The following RAB38 variants were observed in gnomAD, a reference collection of about 807,000 sequenced individuals.
The protein encoded by RAB38 is ras-related protein Rab-38.
In RAB38, 15 loss-of-function variants were observed where a neutral mutation model predicts 18.4. The ratio of observed to expected loss-of-function variants is 0.82; its 90% CI spans 0.55 to 1.26. The LOEUF (loss-of-function observed/expected upper bound fraction) is 1.26. Among genes scored for constraint, RAB38 ranks in the 50% most tolerant of loss-of-function variants. The probability of loss-of-function intolerance (pLI) is 0.00; values close to 1 mark genes in which losing one functional copy is unlikely to be tolerated. For missense variants in RAB38, 294 were observed against 267.4 expected (o/e 1.10, Z -0.69); for synonymous variants, 101 against 104.4 (o/e 0.97, Z 0.20).
chr11:88,158,318 A>C (rs1943149678), intron 1 of RAB38, among the ~76,000 whole-genome samples: 1 of 152,124 alleles, frequency 6.6e-6, no homozygotes, highest in Admixed American at 6.5e-5. Context: ...GTTGCAGGCC[A>C]GATGGATTCA....
the RAB38 span, among the ~76,000 whole-genome samples, chr11:88,023,869 T>C: frequency 4.6e-5 from 7 of 152,140 alleles, no homozygotes; most frequent in African/African-American, 1.7e-4. Flanking sequence ...TTGATCCATA[T>C]CTCTCACCTT....
the RAB38 span, among the ~76,000 whole-genome samples, chr11:87,813,555 G>A: frequency 6.6e-5 from 10 of 150,730 alleles, no homozygotes; most frequent in East Asian, 1.9e-3. Context: ...GATGTTTTAT[G>A]CTGTTGCTTA....
At chr11:88,083,707 G>A in the RAB38 span, among the ~76,000 whole-genome samples, 1 of 151,920 alleles carries the variant, frequency 6.6e-6, no homozygotes, top group Non-Finnish European at 1.5e-5. Flanking sequence ...AAAAGGGCCA[G>A]AGGGAACTAG....
At chr11:87,929,702 T>C in the RAB38 span, among the ~76,000 whole-genome samples, 2 of 150,690 alleles carry the variant, frequency 1.3e-5, no homozygotes. Context: ...CTCCTAATGC[T>C]ATCCTTCCCC....
chr11:88,082,555 T>C, the RAB38 span, among the ~76,000 whole-genome samples: 2 of 151,782 alleles, frequency 1.3e-5, no homozygotes, highest in African/African-American at 2.4e-5. Context: ...CCGCAATCTA[T>C]CCCATCTCAA....
rs535938879 is a variant in RAB38, at chr11:88,113,555, A to C, written c.*433T>G. 1 of 168,406 alleles carries C rather than the reference A, an allele frequency of 5.9e-6. No individual in the cohort carries two copies. Among genetic ancestry groups the C allele is most frequent in the Non-Finnish European group, 1.3e-5 (1 of 75,700 alleles). The allele number at this position is 168,406 out of a possible 1,614,324, so 10.4% of individuals were successfully genotyped here. On this transcript the variant is annotated 3_prime_UTR_variant, in exon 3 of 3. Transcript: ENST00000243662. The stretch of plus-strand genomic sequence containing the variant: ...CATCTTGGGAGAAAATATCACATCT[A>C]CTTAATAGGCCTGTCAGGCCATCAG...
chr11:87,972,018 G>A, the RAB38 span, among the ~76,000 whole-genome samples: 1 of 151,740 alleles, frequency 6.6e-6, no homozygotes, highest in Non-Finnish European at 1.5e-5. Context: ...ATTAACAGTT[G>A]TTGATGTAGC....
chr11:87,967,962 A>G, the RAB38 span, among the ~76,000 whole-genome samples: 1 of 152,222 alleles, frequency 6.6e-6, no homozygotes, highest in East Asian at 1.9e-4. Context: ...CTGGATGGAT[A>G]TGTCTTCTTA....
chr11:88,103,555 T>C, the RAB38 span, among the ~76,000 whole-genome samples: 1 of 152,066 alleles, frequency 6.6e-6, no homozygotes, highest in Non-Finnish European at 1.5e-5. Context: ...GAACAGTAGC[T>C]TTATAGAGTC....
chr11:87,856,891 T>A, the RAB38 span, among the ~76,000 whole-genome samples: 1 of 152,118 alleles, frequency 6.6e-6, no homozygotes, highest in East Asian at 1.9e-4. Context: ...TACTTTAAGT[T>A]CTAGAGTACA....
chr11:88,006,139 A>G, the RAB38 span, among the ~76,000 whole-genome samples: 1 of 150,012 alleles, frequency 6.7e-6, no homozygotes, highest in Non-Finnish European at 1.5e-5. Flanking sequence ...ATTTTTCCAG[A>G]GAAGACATAC....
At chr11:88,123,836 G>T (rs577961874) in intron 2 of RAB38, among the ~76,000 whole-genome samples, 3 of 152,062 alleles carry the variant, frequency 2.0e-5, no homozygotes, top group Admixed American at 6.5e-5. Context: ...GTATTTTTAC[G>T]ACTATATAGT....
At chr11:87,924,744 C>T in the RAB38 span, among the ~76,000 whole-genome samples, 4 of 151,910 alleles carry the variant, frequency 2.6e-5, no homozygotes, top group South Asian at 2.1e-4. Flanking sequence ...CTTGAGAAGA[C>T]GAAGGGTTCA....
the RAB38 span, among the ~76,000 whole-genome samples, chr11:87,942,665 G>A: frequency 1.3e-5 from 2 of 152,132 alleles, no homozygotes; most frequent in African/African-American, 4.8e-5. Context: ...TAGACTAGAA[G>A]GAACACTAGG....
intron 1 of RAB38, chr11:88,167,708 G>T (rs143072538): frequency 6.6e-6 from 1 of 152,098 alleles, no homozygotes; most frequent in African/African-American, 2.4e-5. Context: ...TTAAGATCAC[G>T]TAACTTCTTA....
chr11:88,148,131 A>G (rs1467083898), intron 2 of RAB38, among the ~76,000 whole-genome samples: 5 of 152,294 alleles, frequency 3.3e-5, no homozygotes, highest in African/African-American at 1.2e-4. Context: ...AAATAGAATG[A>G]AAGGGAAAAG....
At chr11:88,154,122 C>T (rs1193609496) in intron 1 of RAB38, among the ~76,000 whole-genome samples, 1 of 152,228 alleles carries the variant, frequency 6.6e-6, no homozygotes, top group Non-Finnish European at 1.5e-5. Context: ...AGGGAAAGCA[C>T]TTTGTTTCTC....
At chr11:88,059,812 C>T in the RAB38 span, among the ~76,000 whole-genome samples, 8 of 147,022 alleles carry the variant, frequency 5.4e-5, no homozygotes, top group Non-Finnish European at 1.0e-4. Flanking sequence ...GACCCTGGTC[C>T]GGCTCACTGT....
the RAB38 span, among the ~76,000 whole-genome samples, chr11:88,042,552 A>T: frequency 1.3e-5 from 2 of 152,194 alleles, no homozygotes; most frequent in African/African-American, 4.8e-5. Flanking sequence ...TCCCAGGCAC[A>T]GTGCCTGGGG....
Sources: allele counts gnomAD v4.1 joint callset (sites outside exome capture counted in the v4.1 genomes callset), GRCh38; gene constraint gnomAD v4.1.1; transcripts MANE v1.5; gene names NCBI Gene and HGNC (gene_info 2026-07-23, HGNC 2026-07-21).